The following FAM161B variants were observed in gnomAD, a reference collection of about 807,000 sequenced individuals.
FAM161B encodes the protein FAM161 centrosomal protein B.
A neutral mutation model predicts 61.5 loss-of-function variants in FAM161B; 46 were observed. The observed-to-expected ratio is 0.75, with a 90% CI of 0.59 to 0.96. The LOEUF is 0.96. Among genes scored for constraint, FAM161B ranks in the 40% least tolerant of loss-of-function variants. FAM161B has a pLI of 0.00. For missense variants in FAM161B, 774 were observed against 800.7 expected, an observed-to-expected ratio of 0.97 and a Z score of 0.40; for synonymous variants, 284 against 302.7, an observed-to-expected ratio of 0.94 and a Z score of 0.64.
At position 73,944,889 on chromosome 14, in the gene FAM161B, G is replaced by A; in HGVS notation, c.375-4C>T. The A allele has an allele frequency of 1.3e-6, 2 of 1,506,952 alleles. No individual in the cohort carries two copies. The highest frequency in any genetic ancestry group is 2.3e-5 in the East Asian group (1 of 43,812). 93.3% of individuals were successfully genotyped at this position (1,506,952 alleles called of 1,614,324 possible). A position where few individuals can be genotyped will look rare whatever the true frequency, so the allele number is the denominator to read the frequency against. On this transcript the variant is annotated splice_region_variant and splice_polypyrimidine_tract_variant and intron_variant, in intron 2 of 8. Transcript: ENST00000286544. ...GCAGCGCCTTGTGGAGCCACACCTG[G>A]GAAAAAAGCAGATCTGTGAGTGGAG...
Position 73,946,321 on chromosome 14 carries a change from CCT to C in FAM161B, c.337_338del (p.Arg113GlyfsTer83), listed in dbSNP as rs1462677240. 1.2e-6 allele frequency: 2 copies of C among 1,614,046 alleles called. No individual in the cohort carries two copies. Among genetic ancestry groups the C allele is most frequent in the South Asian group, 1.1e-5 (1 of 91,082 alleles). ...GCGGGCACTGGACCTGCACCATCCC[CCT>C]GTCCTTGTCTTGGAAGAAACTCTCC... The part of the protein sequence containing the change: ...DLESFFQDKD[R>X]GMVQVQCPQA... On this transcript the variant is annotated frameshift_variant, in exon 2 of 9. Coordinates refer to ENST00000286544, the MANE Select transcript of FAM161B (RefSeq NM_152445.3). LOFTEE classifies it high-confidence loss of function.
At chr14:73,939,994 C>T (rs1056063758) in intron 5 of FAM161B, among the ~76,000 whole-genome samples, 4 of 152,204 alleles carry the variant, frequency 2.6e-5, no homozygotes, top group African/African-American at 9.7e-5. Context: ...TTTAGTAGGT[C>T]TAACTGAAGT....
intron 6 of FAM161B, 26 bp downstream of exon 6, chr14:73,937,922 C>T: frequency 6.2e-7 from 1 of 1,613,332 alleles, no homozygotes; most frequent in Non-Finnish European, 8.5e-7. Flanking sequence ...GGCAAGCACC[C>T]CTTTTGACAC....
In FAM161B at chr14:73,942,587, G is replaced by C; in HGVS notation, c.1054C>G (p.Gln352Glu). Residue 352 changes from glutamine (Q) to glutamate (E), a missense_variant, in exon 4 of 9, where the codon CAG (glutamine) becomes GAG (glutamate). Physicochemically the swap from Gln to Glu is conservative, Grantham distance 29 (BLOSUM62 2). Coordinates refer to ENST00000286544, the MANE Select transcript of FAM161B (RefSeq NM_152445.3). ...PQPRTATRTQ[Q>E]EKLGFLHTNF... Reference sequence around the variant, plus strand: ...GTGTGCAGAAACCCAAGCTTTTCCTGCTGGGTTCGGGTGGCTGTGCGGGGC... The same window carrying C: ...GTGTGCAGAAACCCAAGCTTTTCCTCCTGGGTTCGGGTGGCTGTGCGGGGC... 1.2e-6 allele frequency: 2 copies of C among 1,614,202 alleles called. No individual in the cohort carries two copies. The highest frequency in any genetic ancestry group is 1.7e-6 in the Non-Finnish European group (2 of 1,180,022).
intron 8 of FAM161B, among the ~76,000 whole-genome samples, chr14:73,935,195 G>C (rs917577644): frequency 6.6e-6 from 1 of 152,112 alleles, no homozygotes; most frequent in Non-Finnish European, 1.5e-5. Context: ...GAATAATGGA[G>C]AGAAGATACT....
At chr14:73,938,179 C>A (rs2055987106) in intron 5 of FAM161B, 67 bp from the exon 6 acceptor site, 27 of 1,571,482 alleles carry the variant, frequency 1.7e-5, no homozygotes, top group Non-Finnish European at 2.3e-5. Flanking sequence ...CAATCTTAGG[C>A]CAGGTGTGGT....
intron 5 of FAM161B, 40 bp from the exon 6 acceptor site, chr14:73,938,152 C>T: frequency 4.4e-6 from 7 of 1,604,404 alleles, no homozygotes; most frequent in Non-Finnish European, 6.0e-6. Flanking sequence ...GATTACCAAC[C>T]TGGGTATACT....
intron 2 of FAM161B, 36 bp from the exon 3 acceptor site, chr14:73,944,921 G>A (rs902629829): frequency 6.8e-7 from 1 of 1,476,052 alleles, no homozygotes; most frequent in South Asian, 1.4e-5. Context: ...GGAGGACAGG[G>A]CAGTCAGGAG....
intron 7 of FAM161B, among the ~76,000 whole-genome samples, chr14:73,937,107 T>A (rs62005761): frequency 6.6e-6 from 1 of 152,008 alleles, no homozygotes; most frequent in Non-Finnish European, 1.5e-5. Context: ...AAAAAAAATT[T>A]CAGGCTTCCA....
At position 73,944,532 on chromosome 14, in the gene FAM161B, GCC is replaced by G. The variant is rs2056047255; in HGVS notation, c.726_727del (p.Gln242HisfsTer40). The G allele has an allele frequency of 6.2e-7, 1 of 1,614,058 alleles. No individual in the cohort carries two copies. Among genetic ancestry groups the G allele is most frequent in the Non-Finnish European group, 8.5e-7 (1 of 1,180,044 alleles). On this transcript the variant is annotated frameshift_variant, in exon 3 of 9. Transcript: ENST00000286544. LOFTEE classifies it high-confidence loss of function. ...CAGTTCCTTCCTCTTCTGGATCCCTGCCTGCCTTCGGGCCTCGCTGCGCTCCA... is the reference window on the plus strand; with the variant it reads ...CAGTTCCTTCCTCTTCTGGATCCCTGTGCCTTCGGGCCTCGCTGCGCTCCA...
chr14:73,942,542 G>A lies in FAM161B; in HGVS notation c.1099C>T (p.Arg367Trp), dbSNP rs200522428. Residue 367 changes from arginine (R) to tryptophan (W), a missense_variant, in exon 4 of 9, where the codon CGG becomes TGG. Transcript: ENST00000286544. ...FLHTNFRFQP[R>W]VNPVVPDYEG... ...TAGTCAGGGACCACAGGATTCACCC[G>A]AGGCTGGAATCTGAAGTTAGTGTGC... 3.8e-5 allele frequency: 62 copies of A among 1,614,120 alleles called. No individual in the cohort carries two copies. Among genetic ancestry groups the A allele is most frequent in the East Asian group, 1.3e-4 (6 of 44,892 alleles).
At chr14:73,930,117 C>A (rs6574154), downstream of FAM161B, among the ~76,000 whole-genome samples, 91,636 of 151,948 alleles carry the variant, frequency 0.6, 28,549 homozygotes, top group South Asian at 0.72. Context: ...AATCAAGGCA[C>A]AAATAGAAAT....
chr14:73,941,108 CTT>C (rs11358501), intron 4 of FAM161B, 55 bp from the exon 5 acceptor site: 271,628 of 940,070 alleles, frequency 0.29, 6,519 homozygotes, highest in Non-Finnish European at 0.31. Context: ...TAGTTTCTAT[CTT>C]TTTTTTTTTT....
At chr14:73,938,423 C>T (rs1177428625) in intron 5 of FAM161B, among the ~76,000 whole-genome samples, 1 of 151,968 alleles carries the variant, frequency 6.6e-6, no homozygotes, top group African/African-American at 2.4e-5. Context: ...CGCACTGCTG[C>T]ACTCCAGCCT....
At position 73,944,520 on chromosome 14, in the gene FAM161B, T is replaced by A. The variant is rs575305902; in HGVS notation, c.740A>T (p.Lys247Met). The change falls in exon 3 of 9, where the codon AAG becomes ATG. Residue 247 changes from lysine to methionine, a missense_variant. Physicochemically the swap from Lys to Met is moderately conservative, Grantham distance 95 (BLOSUM62 -1). Transcript: ENST00000286544. ...SEARRQAGIQ[K>M]RKELLLSSLK... ...AGAAGAGAGGAGCAGTTCCTTCCTC[T>A]TCTGGATCCCTGCCTGCCTTCGGGC... 1.6e-5 allele frequency: 26 copies of A among 1,614,140 alleles called. No homozygotes were observed. The highest frequency in any genetic ancestry group is 2.2e-5 in the Non-Finnish European group (26 of 1,180,026).
downstream of FAM161B, among the ~76,000 whole-genome samples, chr14:73,928,131 G>A (rs560487109): frequency 2.0e-5 from 3 of 152,154 alleles, no homozygotes; most frequent in Admixed American, 6.5e-5. Flanking sequence ...GAGCCACTGC[G>A]CCCAGCCTAA....
At position 73,932,690 on chromosome 14, in the gene FAM161B, T is replaced by C. The variant is rs2055934535; in HGVS notation, c.*1566A>G. 2.9e-6 allele frequency: 1 copy of C among 346,184 alleles called. No individual in the cohort carries two copies. Among genetic ancestry groups the C allele is most frequent in the South Asian group, 2.3e-5 (1 of 43,748 alleles). 21.4% of individuals were successfully genotyped at this position (346,184 alleles called of 1,614,324 possible). On this transcript the variant is annotated 3_prime_UTR_variant, in exon 9 of 9. Transcript: ENST00000286544. ...CCCAGGCTGGAGTGCAGTAGTGTAA[T>C]CATAGCTCAATGTAACCTTGAACTC...
At chr14:73,930,842 TCTC>T (rs1274801371), downstream of FAM161B, among the ~76,000 whole-genome samples, 1 of 151,544 alleles carries the variant, frequency 6.6e-6, no homozygotes, top group Non-Finnish European at 1.5e-5. Context: ...CTCAAGCAGT[TCTC>T]CTGCCTCAGC....
chr14:73,948,562 C>T (rs1305676202), intron 1 of FAM161B, among the ~76,000 whole-genome samples: 5 of 152,154 alleles, frequency 3.3e-5, no homozygotes. Context: ...TGATCTTGGG[C>T]ACGTTTTTTC....
Sources: gnomAD v4.1 joint callset for allele counts (sites outside exome capture counted in the v4.1 genomes callset) on GRCh38, gnomAD v4.1.1 for gene constraint, MANE v1.5 for transcripts, NCBI Gene and HGNC (gene_info 2026-07-23, HGNC 2026-07-21) for gene names.